Variants in NLGN1 observed in about 807,000 individuals in gnomAD.
The protein encoded by NLGN1 is neuroligin-1.
A neutral mutation model predicts 65.5 loss-of-function variants in NLGN1; 12 were observed. The observed-to-expected ratio is 0.18, with a 90% CI of 0.12 to 0.30. NLGN1 has a LOEUF of 0.30. Among genes scored for constraint, NLGN1 ranks in the 10% least tolerant of loss-of-function variants. NLGN1 has a pLI of 1.00. For synonymous variants in NLGN1, 350 were observed against 359.5 expected (o/e 0.97, Z 0.30); for missense variants, 750 against 1,007.1 (o/e 0.74, Z 3.46).
Position 173,499,851 on chromosome 3 carries a change from CTGTT to C in NLGN1, c.-321+64777_-321+64780del, listed in dbSNP as rs563426691. Among the ~76,000 whole-genome samples the C allele has an allele frequency of 4.6e-5, 7 of 151,870 alleles. No individual in the cohort carries two copies. The South Asian group carries it at 6.2e-4, about 14-fold the overall frequency. ...GGGAGTTCACTCATGATTTGGCTCTCTGTTTGTCTGTTATTGGTGTATAAGAATA... is the reference window on the plus strand; with the variant it reads ...GGGAGTTCACTCATGATTTGGCTCTCTGTCTGTTATTGGTGTATAAGAATA... On this transcript the variant is annotated intron_variant, in intron 2 of 6. Transcript: ENST00000457714.
intron 4 of NLGN1, among the ~76,000 whole-genome samples, chr3:174,222,226 A>G (rs1157266088): frequency 6.6e-6 from 1 of 152,144 alleles, no homozygotes; most frequent in African/African-American, 2.4e-5. Context: ...CTGTGATTTT[A>G]TGGTATGTTA....
chr3:173,404,712 A>G (rs763605624), intron 1 of NLGN1, among the ~76,000 whole-genome samples: 37 of 152,142 alleles, frequency 2.4e-4, no homozygotes, highest in Non-Finnish European at 5.1e-4. Flanking sequence ...ACAGATGATT[A>G]GAAGGTTTAT....
chr3:173,401,755 G>C (rs1469677840), intron 1 of NLGN1, among the ~76,000 whole-genome samples: 1 of 152,108 alleles, frequency 6.6e-6, no homozygotes, highest in African/African-American at 2.4e-5. Context: ...ATGGCAGAGT[G>C]AATCAATACA....
At chr3:174,161,080 T>C (rs1418682310) in intron 4 of NLGN1, among the ~76,000 whole-genome samples, 1 of 151,896 alleles carries the variant, frequency 6.6e-6, no homozygotes, top group Non-Finnish European at 1.5e-5. Flanking sequence ...AGAGAAAATA[T>C]TGATCAAACT....
At chr3:173,913,655 G>A (rs1304487217) in intron 4 of NLGN1, among the ~76,000 whole-genome samples, 1 of 152,114 alleles carries the variant, frequency 6.6e-6, no homozygotes, top group Non-Finnish European at 1.5e-5. Context: ...ACTCTGGCAA[G>A]GACAGGCCAC....
intron 2 of NLGN1, among the ~76,000 whole-genome samples, chr3:173,443,841 C>T (rs1719669673): frequency 6.6e-6 from 1 of 152,134 alleles, no homozygotes; most frequent in Non-Finnish European, 1.5e-5. Flanking sequence ...CAAGGTAATA[C>T]AATTTTGAAA....
chr3:173,846,623 T>C (rs943137405), intron 4 of NLGN1, among the ~76,000 whole-genome samples: 1 of 152,230 alleles, frequency 6.6e-6, no homozygotes, highest in South Asian at 2.1e-4. Flanking sequence ...CCCCCATTTC[T>C]ACAAATGTCT....
intron 3 of NLGN1, among the ~76,000 whole-genome samples, chr3:173,807,357 G>C (rs1386328276): frequency 6.6e-6 from 1 of 152,050 alleles, no homozygotes; most frequent in Non-Finnish European, 1.5e-5. Flanking sequence ...AAGAATCATT[G>C]CCATTCTGTT....
intron 4 of NLGN1, among the ~76,000 whole-genome samples, chr3:174,142,561 C>A (rs371081528): frequency 6.6e-6 from 1 of 151,976 alleles, no homozygotes; most frequent in East Asian, 1.9e-4. Flanking sequence ...GAAATGTGAA[C>A]TTAGAAGCAG....
chr3:173,647,476 T>A (rs1313904804), intron 3 of NLGN1, among the ~76,000 whole-genome samples: 1 of 152,020 alleles, frequency 6.6e-6, no homozygotes, highest in East Asian at 1.9e-4. Flanking sequence ...TTTAAATGGA[T>A]CCAAGTCATG....
chr3:173,772,379 A>T (rs1216965975), intron 3 of NLGN1, among the ~76,000 whole-genome samples: 3 of 152,134 alleles, frequency 2.0e-5, no homozygotes, highest in African/African-American at 7.2e-5. Context: ...GCACTTCGGG[A>T]GGCTGAGGCA....
intron 3 of NLGN1, among the ~76,000 whole-genome samples, chr3:173,617,428 G>A (rs1197732245): frequency 6.6e-6 from 1 of 152,150 alleles, no homozygotes; most frequent in Admixed American, 6.5e-5. Context: ...GCAATTTGTT[G>A]GAGAGAGCCT....
chr3:173,666,645 TC>T (rs1354263369), intron 3 of NLGN1, among the ~76,000 whole-genome samples: 8 of 152,274 alleles, frequency 5.3e-5, no homozygotes, highest in African/African-American at 1.9e-4. Flanking sequence ...TTGAAGATGA[TC>T]CCAGTTATTT....
intron 2 of NLGN1, among the ~76,000 whole-genome samples, chr3:173,596,652 T>C (rs977149875): frequency 3.0e-5 from 1 of 32,814 alleles, no homozygotes; most frequent in African/African-American, 9.8e-5. Flanking sequence ...ATGATGCTCA[T>C]GGCAGAGTAA....
In NLGN1 at chr3:174,064,240, A is replaced by G. The variant is rs371712930; in HGVS notation, c.647-211075A>G. On this transcript the variant is annotated intron_variant, in intron 4 of 6. Coordinates refer to ENST00000457714, the Ensembl canonical transcript of NLGN1. Reference sequence around the variant, plus strand: ...GCATATAGAAAGCTTCATGAAGACAACACTTTTTTCCCAACACCTAATATA... The same window carrying G: ...GCATATAGAAAGCTTCATGAAGACAGCACTTTTTTCCCAACACCTAATATA... 9.3e-4 allele frequency among the ~76,000 whole-genome samples: 141 copies of G among 152,276 alleles called. 1 individual carries two copies. Among genetic ancestry groups the G allele is most frequent in the South Asian group, 7.0e-3 (34 of 4,828 alleles).
intron 2 of NLGN1, among the ~76,000 whole-genome samples, chr3:173,446,642 C>T (rs1720403002): frequency 1.3e-5 from 2 of 152,158 alleles, no homozygotes; most frequent in African/African-American, 4.8e-5. Context: ...AATTGGCACA[C>T]CAACTTCCAC....
At chr3:173,802,277 A>G (rs1432870090) in intron 3 of NLGN1, among the ~76,000 whole-genome samples, 2 of 152,180 alleles carry the variant, frequency 1.3e-5, no homozygotes, top group Non-Finnish European at 2.9e-5. Flanking sequence ...CACATTTAAC[A>G]TTTTTAAATA....
At chr3:173,777,647 A>G (rs974630882) in intron 3 of NLGN1, among the ~76,000 whole-genome samples, 84 of 142,958 alleles carry the variant, frequency 5.9e-4, no homozygotes, top group African/African-American at 2.1e-3. Context: ...CTATCTATCT[A>G]TCTATCTATC....
intron 4 of NLGN1, among the ~76,000 whole-genome samples, chr3:174,065,595 C>A (rs2152524859): frequency 6.6e-6 from 1 of 152,002 alleles, no homozygotes; most frequent in Non-Finnish European, 1.5e-5. Flanking sequence ...TTCCTGCCTC[C>A]TGATATTCTT....
Sources: allele counts gnomAD v4.1 joint callset (sites outside exome capture counted in the v4.1 genomes callset), GRCh38; gene constraint gnomAD v4.1.1; transcripts MANE v1.5; gene names NCBI Gene and HGNC (gene_info 2026-07-23, HGNC 2026-07-21).